The following PSG8 variants were observed in gnomAD, a reference collection of about 807,000 sequenced individuals.
The protein encoded by PSG8 is pregnancy-specific beta-1-glycoprotein 8.
A neutral mutation model predicts 42.5 loss-of-function variants in PSG8; 57 were observed. That is an observed-to-expected ratio of 1.34 (90% CI 1.08 to 1.67). The LOEUF is 1.67. Ranked by LOEUF, PSG8 falls within the 40% of genes most tolerant of loss-of-function variation. The pLI is 0.00. For missense variants in PSG8, 783 were observed against 518.6 expected (o/e 1.51, Z -4.95); for synonymous variants, 280 against 196.8 (o/e 1.42, Z -3.54).
chr19:42,755,409 A>G (rs1418490758), intron 3 of PSG8, 143 bp from the exon 4 acceptor site: 1 of 1,453,108 alleles, frequency 6.9e-7, no homozygotes, highest in African/African-American at 1.4e-5. Flanking sequence ...GTCACAAGAC[A>G]GATGCATGAT....
At position 42,764,342 on chromosome 19, in the gene PSG8, G is replaced by A. The variant is rs547448562; in HGVS notation, c.65-61C>T. On this transcript the variant is annotated intron_variant, in intron 1 of 4. Coordinates refer to ENST00000306511, the MANE Select transcript of PSG8 (RefSeq NM_182707.3). The stretch of plus-strand genomic sequence containing the variant: ...GCTATGTATTGGTGTGAAAACATGG[G>A]GCCCTGGGTCCTGAGAAGTTCTCTT... 5 of 1,559,114 alleles carry A rather than the reference G, an allele frequency of 3.2e-6. No homozygotes were observed. The Admixed American group carries it at 7.7e-5, about 24-fold the overall frequency.
chr19:42,756,228 C>A (rs570580103), intron 3 of PSG8: 3 of 152,272 alleles, frequency 2.0e-5, no homozygotes, highest in African/African-American at 7.2e-5. Flanking sequence ...CTCTGATTCC[C>A]TGGATTCGAC....
intron 2 of PSG8, among the ~76,000 whole-genome samples, chr19:42,760,885 G>A (rs996365079): frequency 2.6e-5 from 4 of 152,148 alleles, no homozygotes; most frequent in African/African-American, 9.7e-5. Context: ...CCATCTCTGA[G>A]GGAGTTTAAC....
intron 1 of PSG8, among the ~76,000 whole-genome samples, 192 bp downstream of exon 1, chr19:42,765,326 G>A (rs1368739551): frequency 6.6e-6 from 1 of 151,868 alleles, no homozygotes; most frequent in Non-Finnish European, 1.5e-5. Context: ...TTAAATTTTT[G>A]TATTTTTAGT....
intron 2 of PSG8, among the ~76,000 whole-genome samples, chr19:42,760,399 G>A (rs1319271450): frequency 6.6e-6 from 1 of 152,108 alleles, no homozygotes; most frequent in East Asian, 1.9e-4. Flanking sequence ...TTTAAAAATT[G>A]CTATTGTCAA....
intron 3 of PSG8, among the ~76,000 whole-genome samples, chr19:42,757,663 G>A (rs1180115786): frequency 1.6e-4 from 24 of 152,246 alleles, no homozygotes; most frequent in Non-Finnish European, 2.5e-4. Flanking sequence ...GTCTGTGGAA[G>A]CACCACAATC....
chr19:42,758,353 G>A (rs1245519312), intron 2 of PSG8, 73 bp from the exon 3 acceptor site: 9 of 1,563,310 alleles, frequency 5.8e-6, no homozygotes, highest in African/African-American at 4.1e-5. Flanking sequence ...TTCAATCAGA[G>A]TTGGCATTTC....
rs1395609308 is a variant in PSG8 at position 42,758,501 on chromosome 19, AT to A, written c.431-222del. On this transcript the variant is annotated intron_variant, in intron 2 of 4. Transcript: ENST00000306511. ...GAAACACAGACTTTCTCAAGTGTGAATTGAGCAGCAGCATTGGGTCATGGAA... is the reference window on the plus strand; with the variant it reads ...GAAACACAGACTTTCTCAAGTGTGAATGAGCAGCAGCATTGGGTCATGGAA... The A allele has an allele frequency of 2.9e-6, 3 of 1,019,160 alleles. No individual in the cohort carries two copies. The African/African-American group carries it at 4.9e-5, about 17-fold the overall frequency. The allele number at this position is 1,019,160 out of a possible 1,614,324, so 63.1% of individuals were successfully genotyped here.
At chr19:42,755,406 G>C in intron 3 of PSG8, 140 bp from the exon 4 acceptor site, 2 of 1,461,882 alleles carry the variant, frequency 1.4e-6, no homozygotes, top group Non-Finnish European at 1.8e-6. Context: ...TGTGTCACAA[G>C]ACAGATGCAT....
At position 42,757,896 on chromosome 19, in the gene PSG8, G is replaced by A. The variant is rs1568376262; in HGVS notation, c.709+106C>T. On this transcript the variant is annotated intron_variant, in intron 3 of 4. Coordinates refer to ENST00000306511, the MANE Select transcript of PSG8 (RefSeq NM_182707.3). Reference sequence around the variant, plus strand: ...GTCATGGCCAGGTTTGATGTCCAGGGGTAAAGGTCTCTGTACTTGGACCTG... The same window carrying A: ...GTCATGGCCAGGTTTGATGTCCAGGAGTAAAGGTCTCTGTACTTGGACCTG... 3.7e-6 allele frequency: 6 copies of A among 1,611,394 alleles called. No homozygotes were observed. The Admixed American group carries it at 5.0e-5, about 13-fold the overall frequency.
intron 4 of PSG8, 90 bp downstream of exon 4, chr19:42,754,898 C>T (rs1969878432): frequency 1.0e-5 from 16 of 1,569,014 alleles, no homozygotes; most frequent in South Asian, 2.4e-5. Context: ...GGTGTCTATA[C>T]TTGGACCAGA....
chr19:42,761,820 A>ATTTTTTTTTTTTTTTTTTTTTT (rs58868359), intron 2 of PSG8, among the ~76,000 whole-genome samples: 19 of 70,430 alleles, frequency 2.7e-4, no homozygotes, highest in Admixed American at 4.5e-4. Context: ...CATTTCAATA[A>ATTTTTTTTTTTTTTTTTTTTTT]TTTTTTTTTT....
downstream of PSG8, chr19:42,754,185 A>G: frequency 6.5e-7 from 1 of 1,526,734 alleles, no homozygotes; most frequent in Non-Finnish European, 8.8e-7. Context: ...GTTCTTAGAC[A>G]AATTTGGAGG....
At chr19:42,761,487 G>T (rs1246065559) in intron 2 of PSG8, among the ~76,000 whole-genome samples, 1 of 152,164 alleles carries the variant, frequency 6.6e-6, no homozygotes, top group East Asian at 1.9e-4. Context: ...TAGAACGTGA[G>T]ATTGGTCTTT....
rs546216215 is a variant in PSG8, at chr19:42,755,422, T to C, written c.710-156A>G. 2.0e-4 allele frequency: 285 copies of C among 1,406,432 alleles called. 3 individuals are homozygous for C. The South Asian group carries it at 3.7e-3, about 18-fold the overall frequency. The allele number at this position is 1,406,432 out of a possible 1,614,324, so 87.1% of individuals were successfully genotyped here. A position where few individuals can be genotyped will look rare whatever the true frequency, so the allele number is the denominator to read the frequency against. ...GTGTCACAAGACAGATGCATGATGA[T>C]CTAAGGGCTCAAAGACTATGAGGCC... On this transcript the variant is annotated intron_variant, in intron 3 of 4. Transcript: ENST00000306511.
At chr19:42,762,574 G>T (rs891298368) in intron 2 of PSG8, among the ~76,000 whole-genome samples, 3 of 152,002 alleles carry the variant, frequency 2.0e-5, no homozygotes, top group Non-Finnish European at 2.9e-5. Flanking sequence ...GTGTGTGTCT[G>T]TCTCGCTGGG....
At position 42,764,203 on chromosome 19, in the gene PSG8, C is replaced by T. The variant is rs781513768; in HGVS notation, c.143G>A (p.Gly48Glu). ...IEAQPTKVSE[G>E]KDVLLLVHNL... The stretch of plus-strand genomic sequence containing the variant: ...GTGGACAAGTAGAAGAACATCCTTC[C>T]CCTCAGAAACTTTGGTTGGCTGGGC... Residue 48 changes from glycine to glutamate, a missense_variant, in exon 2 of 5, where the codon GGG becomes GAG. Coordinates refer to ENST00000306511, the MANE Select transcript of PSG8 (RefSeq NM_182707.3). The T allele has an allele frequency of 1.5e-5, 24 of 1,613,662 alleles. No homozygotes were observed. Among genetic ancestry groups the T allele is most frequent in the Non-Finnish European group, 2.0e-5 (24 of 1,179,866 alleles).
At chr19:42,759,659 A>C (rs1478805508) in intron 2 of PSG8, among the ~76,000 whole-genome samples, 1 of 152,106 alleles carries the variant, frequency 6.6e-6, no homozygotes, top group Admixed American at 6.6e-5. Context: ...TCAATTTGTA[A>C]TACTGTAATT....
downstream of PSG8, among the ~76,000 whole-genome samples, chr19:42,753,706 A>T (rs1969837308): frequency 6.6e-6 from 1 of 152,178 alleles, no homozygotes; most frequent in Non-Finnish European, 1.5e-5. Context: ...CTGACTTCAG[A>T]CTTTGCCTGC....
Sources: gnomAD v4.1 joint callset for allele counts (sites outside exome capture counted in the v4.1 genomes callset) on GRCh38, gnomAD v4.1.1 for gene constraint, MANE v1.5 for transcripts, NCBI Gene and HGNC (gene_info 2026-07-23, HGNC 2026-07-21) for gene names.